The following YPEL1 variants were observed in gnomAD, a reference collection of about 807,000 sequenced individuals.
YPEL1 encodes protein yippee-like 1.
In YPEL1, 7 loss-of-function variants were observed where a neutral mutation model predicts 17.3. That is an observed-to-expected ratio of 0.40 (90% CI 0.23 to 0.76). The LOEUF (loss-of-function observed/expected upper bound fraction) is 0.76. YPEL1 is among the 30% of genes least tolerant of loss of function. The probability of loss-of-function intolerance (pLI) is 0.35; values close to 1 mark genes in which losing one functional copy is unlikely to be tolerated. For synonymous variants in YPEL1, 59 were observed against 59.6 expected, an observed-to-expected ratio of 0.99 and a Z score of 0.05; for missense variants, 91 against 155.5, an observed-to-expected ratio of 0.59 and a Z score of 2.21.
intron 1 of YPEL1, among the ~76,000 whole-genome samples, chr22:21,729,284 A>T (rs1477478825): frequency 6.8e-6 from 1 of 147,010 alleles, no homozygotes; most frequent in African/African-American, 2.5e-5. Context: ...GCACTCCAGC[A>T]TTGGTGACAG....
chr22:21,713,704 T>C (rs1280077698), intron 1 of YPEL1, among the ~76,000 whole-genome samples: 2 of 152,182 alleles, frequency 1.3e-5, no homozygotes. Flanking sequence ...AACTGTACAC[T>C]TAGAAATGGT....
intron 1 of YPEL1, among the ~76,000 whole-genome samples, chr22:21,728,126 C>A (rs1354393453): frequency 5.3e-5 from 8 of 152,186 alleles, no homozygotes; most frequent in Non-Finnish European, 1.2e-4. Flanking sequence ...ACCAGGATAT[C>A]ATGGTCCACC....
intron 1 of YPEL1, among the ~76,000 whole-genome samples, chr22:21,713,378 C>T (rs73877675): frequency 0.084 from 12,739 of 152,194 alleles, 670 homozygotes; most frequent in African/African-American, 0.14. Context: ...CCTCCACAAA[C>T]GGGCATTCTC....
intron 2 of YPEL1, among the ~76,000 whole-genome samples, chr22:21,708,566 C>G (rs2068135086): frequency 6.6e-6 from 1 of 151,730 alleles, no homozygotes; most frequent in Non-Finnish European, 1.5e-5. Context: ...TCTTGAACTC[C>G]TGACCTCAAG....
At chr22:21,701,291 ACC>A in intron 4 of YPEL1, 73 bp from the exon 5 acceptor site, 2 of 1,190,522 alleles carry the variant, frequency 1.7e-6, no homozygotes, top group African/African-American at 1.5e-5. Context: ...TTTGGCAAAA[ACC>A]CCCCCCAAGT....
intron 2 of YPEL1, among the ~76,000 whole-genome samples, chr22:21,709,380 A>G (rs918375793): frequency 1.3e-5 from 2 of 152,224 alleles, no homozygotes. Flanking sequence ...CTCGTTCAAC[A>G]GTTTCTATCT....
rs758841798 is a variant in YPEL1 at position 21,703,886 on chromosome 22, AAAG to A, written c.118-7_118-5del. 6 of 1,597,472 alleles carry A rather than the reference AAAG, an allele frequency of 3.8e-6. No homozygotes were observed. Among genetic ancestry groups the A allele is most frequent in the African/African-American group, 1.3e-5 (1 of 74,408 alleles). Reference sequence around the variant, plus strand: ...GTCCCTGGCTCCCCTGAAAGGACTGAAAGAAGAAGGTCCCGTGAGATTGGCTGC... The same window carrying A: ...GTCCCTGGCTCCCCTGAAAGGACTGAAAGAAGGTCCCGTGAGATTGGCTGC... On this transcript the variant is annotated splice_region_variant and splice_polypyrimidine_tract_variant and intron_variant, in intron 2 of 4. Transcript: ENST00000339468. The surrounding 1 kb of genome is among the most constrained non-coding windows in gnomAD (Gnocchi z 6.1).
chr22:21,721,155 G>A (rs1056566474), intron 1 of YPEL1, among the ~76,000 whole-genome samples: 3 of 151,254 alleles, frequency 2.0e-5, no homozygotes, highest in African/African-American at 7.3e-5. Flanking sequence ...ACAGAGTCTC[G>A]CACTGTTGCC....
chr22:21,731,364 G>A (rs1400732259), intron 1 of YPEL1, among the ~76,000 whole-genome samples: 1 of 151,654 alleles, frequency 6.6e-6, no homozygotes, highest in Non-Finnish European at 1.5e-5. Flanking sequence ...GGGAGGTGTA[G>A]GAACTATGTG....
intron 1 of YPEL1, among the ~76,000 whole-genome samples, chr22:21,721,691 T>TG (rs1269776042): frequency 1.3e-5 from 2 of 152,240 alleles, no homozygotes; most frequent in African/African-American, 4.8e-5. Flanking sequence ...TCCAAAGGGC[T>TG]GGGATTACAG....
chr22:21,726,294 C>T (rs916010753), intron 1 of YPEL1, among the ~76,000 whole-genome samples: 3 of 152,218 alleles, frequency 2.0e-5, no homozygotes, highest in African/African-American at 4.8e-5. Flanking sequence ...TCTATTCAGG[C>T]GCAAGGCCCC....
At chr22:21,714,232 GAC>G (rs777041669) in intron 1 of YPEL1, among the ~76,000 whole-genome samples, 121 of 152,072 alleles carry the variant, frequency 8.0e-4, no homozygotes, top group Non-Finnish European at 1.3e-3. Context: ...GTGAACGGAA[GAC>G]ACAAACGGCC....
chr22:21,703,299 G>T lies in YPEL1; in HGVS notation c.270+71C>A. The T allele has an allele frequency of 3.0e-6, 4 of 1,340,848 alleles. No individual in the cohort carries two copies. The highest frequency in any genetic ancestry group is 4.3e-6 in the Non-Finnish European group (4 of 938,988). The allele number at this position is 1,340,848 out of a possible 1,614,324, so 83.1% of individuals were successfully genotyped here. On this transcript the variant is annotated intron_variant, in intron 4 of 4. Coordinates refer to ENST00000339468, the MANE Select transcript of YPEL1 (RefSeq NM_013313.5). The surrounding 1 kb of genome is among the most constrained non-coding windows in gnomAD (Gnocchi z 6.1). ...CTGGTACCATGGGCCACACTGCACG[G>T]GGAGGTGTGGCTCAGTGGCAACTTA...
intron 1 of YPEL1, among the ~76,000 whole-genome samples, chr22:21,729,285 T>C (rs939644586): frequency 1.3e-5 from 2 of 151,646 alleles, no homozygotes; most frequent in Non-Finnish European, 2.9e-5. Context: ...CACTCCAGCA[T>C]TGGTGACAGA....
chr22:21,712,689 G>A (rs1315276265), intron 1 of YPEL1, among the ~76,000 whole-genome samples: 3 of 144,070 alleles, frequency 2.1e-5, no homozygotes, highest in East Asian at 4.1e-4. Flanking sequence ...CCATATCACT[G>A]CACTCCAGCC....
intron 1 of YPEL1, among the ~76,000 whole-genome samples, chr22:21,728,919 G>C (rs1234568411): frequency 6.6e-6 from 1 of 152,128 alleles, no homozygotes; most frequent in Non-Finnish European, 1.5e-5. Flanking sequence ...GAGGCGGGTG[G>C]ATCACCTGAA....
intron 1 of YPEL1, among the ~76,000 whole-genome samples, chr22:21,711,212 A>G (rs535061835): frequency 3.3e-4 from 51 of 152,244 alleles, no homozygotes; most frequent in Non-Finnish European, 6.9e-4. Context: ...GATTACAAGC[A>G]CCACTGCGCC....
At chr22:21,711,913 C>T (rs749323885) in intron 1 of YPEL1, among the ~76,000 whole-genome samples, 2 of 152,220 alleles carry the variant, frequency 1.3e-5, no homozygotes, top group Non-Finnish European at 2.9e-5. Context: ...AGTGCTCACG[C>T]CTGTGGTCCC....
rs2068060134 is a variant in YPEL1, at chr22:21,701,032, G to A, written c.*97C>T. The A allele has an allele frequency of 2.7e-6, 3 of 1,104,538 alleles. No homozygotes were observed. Among genetic ancestry groups the A allele is most frequent in the Admixed American group, 3.7e-5 (2 of 54,446 alleles). The allele number at this position is 1,104,538 out of a possible 1,614,324, so 68.4% of individuals were successfully genotyped here. A position where few individuals can be genotyped will look rare whatever the true frequency, so the allele number is the denominator to read the frequency against. Reference sequence around the variant, plus strand: ...TGCGCAGCTAGCCTTTGAGGTCAGAGGGCAAGAAAGGCTGTCACCAGATGC... The same window carrying A: ...TGCGCAGCTAGCCTTTGAGGTCAGAAGGCAAGAAAGGCTGTCACCAGATGC... On this transcript the variant is annotated 3_prime_UTR_variant, in exon 5 of 5. Coordinates refer to ENST00000339468, the MANE Select transcript of YPEL1 (RefSeq NM_013313.5).
Sources: gnomAD v4.1 joint callset for allele counts (sites outside exome capture counted in the v4.1 genomes callset) on GRCh38, gnomAD v4.1.1 for gene constraint, Gnocchi (gnomAD v3.1) non-coding constraint, MANE v1.5 for transcripts, NCBI Gene and HGNC (gene_info 2026-07-23, HGNC 2026-07-21) for gene names.